LSM14A: variants seen among roughly 807,000 people sequenced by gnomAD.
LSM14A encodes LSM14A mRNA processing body assembly factor.
A neutral mutation model predicts 52.4 loss-of-function variants in LSM14A; 14 were observed. The observed-to-expected ratio is 0.27, with a 90% CI of 0.18 to 0.42. The LOEUF is 0.42. LSM14A is among the 10% of genes least tolerant of loss of function. The pLI is 1.00. For synonymous variants in LSM14A, 185 were observed against 200.3 expected, an observed-to-expected ratio of 0.92 and a Z score of 0.64; for missense variants, 417 against 581.8, an observed-to-expected ratio of 0.72 and a Z score of 2.91.
At chr19:34,210,672 C>A (rs1296349776) in intron 4 of LSM14A, among the ~76,000 whole-genome samples, 1 of 152,108 alleles carries the variant, frequency 6.6e-6, no homozygotes, top group Non-Finnish European at 1.5e-5. Flanking sequence ...GTGATCATGG[C>A]TCACTGCAGC....
chr19:34,221,707 G>C lies in LSM14A; in HGVS notation c.1337G>C (p.Gly446Ala). ...GFRGGFRGGR[G>A]GREFADFEYR... ...CGCGGTGGATTCAGAGGAGGTCGTG[G>C]GGGCCGGGAGTTTGCGGATTTTGAA... The change falls in exon 9 of 10, where the codon GGG (glycine) becomes GCG (alanine). Residue 446 changes from glycine (G) to alanine (A), a missense_variant. This residue lies in a region of LSM14A where 357 missense variants were observed against 457.0 expected (regional missense o/e 0.78). Transcript: ENST00000544216. The C allele has an allele frequency of 6.2e-7, 1 of 1,613,438 alleles. No homozygotes were observed. Among genetic ancestry groups the C allele is most frequent in the Non-Finnish European group, 8.5e-7 (1 of 1,179,426 alleles).
At chr19:34,223,087 G>T (rs915243057) in intron 9 of LSM14A, among the ~76,000 whole-genome samples, 7 of 150,172 alleles carry the variant, frequency 4.7e-5, no homozygotes, top group Admixed American at 2.6e-4. Flanking sequence ...TCTTTTTTTT[G>T]GGGGGTGGAG....
At chr19:34,178,969 TATGGAA>T (rs1339863690) in intron 1 of LSM14A, among the ~76,000 whole-genome samples, 8 of 152,230 alleles carry the variant, frequency 5.3e-5, no homozygotes, top group South Asian at 4.1e-4. Context: ...ATGAATATTT[TATGGAA>T]TAGTTCCAGT....
intron 3 of LSM14A, among the ~76,000 whole-genome samples, chr19:34,207,286 A>G (rs2071773411): frequency 6.6e-6 from 1 of 152,164 alleles, no homozygotes; most frequent in African/African-American, 2.4e-5. Flanking sequence ...AGCAGCCTGG[A>G]GATGCAAATA....
intron 9 of LSM14A, 184 bp downstream of exon 9, chr19:34,221,922 C>G: frequency 8.1e-7 from 1 of 1,231,498 alleles, no homozygotes; most frequent in South Asian, 1.9e-5. Context: ...CAAAAAAAGA[C>G]AGTATAGTAT....
chr19:34,204,616 G>C (rs1046828331), intron 3 of LSM14A, among the ~76,000 whole-genome samples: 1 of 152,066 alleles, frequency 6.6e-6, no homozygotes, highest in Non-Finnish European at 1.5e-5. Context: ...CACTCAGGAG[G>C]CTGGGGTGGG....
intron 4 of LSM14A, among the ~76,000 whole-genome samples, chr19:34,214,405 G>A (rs904012138): frequency 6.6e-6 from 1 of 151,470 alleles, no homozygotes; most frequent in South Asian, 2.1e-4. Flanking sequence ...TCTGCCTCCC[G>A]GGTTCAAGCT....
At chr19:34,222,955 T>C (rs886212249) in intron 9 of LSM14A, among the ~76,000 whole-genome samples, 5 of 152,238 alleles carry the variant, frequency 3.3e-5, no homozygotes, top group African/African-American at 1.2e-4. Flanking sequence ...TTATTTGCCA[T>C]TAACTCCTCT....
intron 1 of LSM14A, among the ~76,000 whole-genome samples, chr19:34,183,494 T>C (rs978870060): frequency 3.3e-5 from 5 of 151,870 alleles, no homozygotes; most frequent in African/African-American, 1.2e-4. Context: ...GAGGTTACAG[T>C]GAGCTGAGAT....
At chr19:34,193,920 C>T (rs1313221341) in intron 1 of LSM14A, among the ~76,000 whole-genome samples, 1 of 152,206 alleles carries the variant, frequency 6.6e-6, no homozygotes, top group Admixed American at 6.5e-5. Flanking sequence ...CCTTTCATCC[C>T]AGCACATTGA....
At chr19:34,175,413 G>C (rs2069014705) in intron 1 of LSM14A, among the ~76,000 whole-genome samples, 2 of 151,896 alleles carry the variant, frequency 1.3e-5, no homozygotes. Context: ...GTATTTTTTA[G>C]TTGAGACAGG....
At chr19:34,202,567 T>C (rs919020677) in intron 3 of LSM14A, among the ~76,000 whole-genome samples, 1 of 152,034 alleles carries the variant, frequency 6.6e-6, no homozygotes, top group Non-Finnish European at 1.5e-5. Context: ...CATTTCTCAC[T>C]ATCAGTTTGG....
intron 2 of LSM14A, 117 bp from the exon 3 acceptor site, chr19:34,196,517 T>C (rs943069280): frequency 1.5e-5 from 14 of 961,914 alleles, no homozygotes; most frequent in Middle Eastern, 3.5e-4. Flanking sequence ...TGTAATTCAT[T>C]TTATATCTAG....
intron 9 of LSM14A, among the ~76,000 whole-genome samples, chr19:34,226,784 A>G (rs991515946): frequency 3.3e-5 from 5 of 152,114 alleles, no homozygotes; most frequent in African/African-American, 1.2e-4. Flanking sequence ...AAATCTTGAG[A>G]TTTTTATTGC....
intron 4 of LSM14A, among the ~76,000 whole-genome samples, chr19:34,213,959 T>A (rs967044272): frequency 6.6e-6 from 1 of 151,882 alleles, no homozygotes; most frequent in Non-Finnish European, 1.5e-5. Context: ...TTTTGTATTT[T>A]TTTTGTAGAG....
chr19:34,224,042 A>G (rs1391442627), intron 9 of LSM14A, among the ~76,000 whole-genome samples: 4 of 152,064 alleles, frequency 2.6e-5, no homozygotes, highest in African/African-American at 7.2e-5. Context: ...AACTGTTACA[A>G]TCTCAGCTGG....
At chr19:34,173,588 GGC>G (rs2068870599) in intron 1 of LSM14A, among the ~76,000 whole-genome samples, 1 of 152,168 alleles carries the variant, frequency 6.6e-6, no homozygotes, top group African/African-American at 2.4e-5. Flanking sequence ...GTTAATATTT[GGC>G]ATCCCTAGAG....
chr19:34,220,721 T>C (rs1029119500), intron 8 of LSM14A, among the ~76,000 whole-genome samples: 1 of 152,180 alleles, frequency 6.6e-6, no homozygotes, highest in African/African-American at 2.4e-5. Flanking sequence ...AGTCCCACGA[T>C]TGGCTGGATG....
Position 34,219,542 on chromosome 19 carries a change from CAG to C in LSM14A, c.938_939del (p.Glu313ValfsTer3). 1.2e-6 allele frequency: 2 copies of C among 1,612,094 alleles called. No homozygotes were observed. The highest frequency in any genetic ancestry group is 1.7e-6 in the Non-Finnish European group (2 of 1,179,146). ...CACAATTCAACAAGGAAGAGATTGA[CAG>C]AGAGTTTCATAATAAACTTAAATTA... ...NAQFNKEEID[R>X]EFHNKLKLKE... is the part of the protein sequence containing the mutation. On this transcript the variant is annotated frameshift_variant, in exon 7 of 10. Coordinates refer to ENST00000544216, the MANE Select transcript of LSM14A (RefSeq NM_015578.4). LOFTEE classifies it high-confidence loss of function.
Sources: gnomAD v4.1 joint callset for allele counts (sites outside exome capture counted in the v4.1 genomes callset) on GRCh38, gnomAD v4.1.1 for gene constraint, gnomAD v4.1.1 regional missense constraint, MANE v1.5 for transcripts, NCBI Gene and HGNC (gene_info 2026-07-23, HGNC 2026-07-21) for gene names.